Variants in RANBP2 observed in about 807,000 individuals in gnomAD.
RANBP2 encodes the protein RAN binding protein 2.
Under a neutral mutation model 303.6 loss-of-function variants are expected in RANBP2, and 57 were observed. That is an observed-to-expected ratio of 0.19 (90% CI 0.15 to 0.23). The LOEUF is 0.23. Ranked by LOEUF, RANBP2 falls within the 10% of genes least tolerant of loss-of-function variation. The pLI is 1.00. For missense variants in RANBP2, 3,138 were observed against 3,780.8 expected, an observed-to-expected ratio of 0.83 and a Z score of 4.46; for synonymous variants, 1,167 against 1,301.5, an observed-to-expected ratio of 0.90 and a Z score of 2.23.
At chr2:109,553,150 C>G in the RANBP2 span, 2 of 1,614,068 alleles carry the variant, frequency 1.2e-6, no homozygotes, top group South Asian at 1.1e-5. Flanking sequence ...ACATCTGTTT[C>G]ATTTCTTCTT....
At chr2:109,449,034 G>A in the RANBP2 span, 13 of 1,035,062 alleles carry the variant, frequency 1.3e-5, no homozygotes, top group Non-Finnish European at 1.8e-5. Context: ...AAGAGGCCAG[G>A]TCTGTCTGGA....
chr2:109,725,489 C>T, the RANBP2 span, among the ~76,000 whole-genome samples: 1 of 152,186 alleles, frequency 6.6e-6, no homozygotes, highest in East Asian at 1.9e-4. Context: ...GGGAGATGAA[C>T]TCCCTCCCTG....
At chr2:109,563,833 T>G in the RANBP2 span, among the ~76,000 whole-genome samples, 11 of 152,284 alleles carry the variant, frequency 7.2e-5, no homozygotes, top group African/African-American at 2.6e-4. Context: ...TTTAAATGAT[T>G]CCTGAGGACT....
At chr2:109,422,364 C>G in the RANBP2 span, among the ~76,000 whole-genome samples, 2 of 152,350 alleles carry the variant, frequency 1.3e-5, no homozygotes, top group African/African-American at 4.8e-5. Context: ...CAGGCCACAT[C>G]ATGTGCACTG....
the RANBP2 span, among the ~76,000 whole-genome samples, chr2:109,046,239 G>A: frequency 6.7e-6 from 1 of 150,278 alleles, no homozygotes; most frequent in Non-Finnish European, 1.5e-5. Flanking sequence ...GGGAGGCGAA[G>A]GTTGCAGTGA....
At chr2:109,763,389 G>T in the RANBP2 span, among the ~76,000 whole-genome samples, 1 of 150,152 alleles carries the variant, frequency 6.7e-6, no homozygotes, top group Non-Finnish European at 1.5e-5. Context: ...TCTAAAAATG[G>T]GGCAGCCATA....
At chr2:109,210,697 G>T in the RANBP2 span, among the ~76,000 whole-genome samples, 1 of 152,194 alleles carries the variant, frequency 6.6e-6, no homozygotes, top group Non-Finnish European at 1.5e-5. Flanking sequence ...CAGGAAGGAG[G>T]TTGGGTTTTC....
chr2:109,427,924 C>T, the RANBP2 span, among the ~76,000 whole-genome samples: 18 of 152,344 alleles, frequency 1.2e-4, no homozygotes, highest in Middle Eastern at 6.8e-3. Context: ...TGCTCGCGCA[C>T]GCTCCTCTGA....
At chr2:109,457,902 C>T in the RANBP2 span, among the ~76,000 whole-genome samples, 9 of 152,300 alleles carry the variant, frequency 5.9e-5, no homozygotes, top group East Asian at 3.9e-4. Flanking sequence ...GTCAGCATGG[C>T]GGGGCATCTC....
At chr2:108,812,229 T>C in the RANBP2 span, among the ~76,000 whole-genome samples, 1 of 152,168 alleles carries the variant, frequency 6.6e-6, no homozygotes, top group Non-Finnish European at 1.5e-5. Flanking sequence ...TACATATCAG[T>C]ATATACACAG....
At chr2:109,206,874 C>T in the RANBP2 span, among the ~76,000 whole-genome samples, 1 of 152,214 alleles carries the variant, frequency 6.6e-6, no homozygotes, top group South Asian at 2.1e-4. Context: ...ACTGAGCATT[C>T]TCAGTGCCCC....
At chr2:109,273,490 A>G in the RANBP2 span, among the ~76,000 whole-genome samples, 16 of 152,344 alleles carry the variant, frequency 1.1e-4, no homozygotes, top group Middle Eastern at 3.4e-3. Context: ...AGCCTGCAGC[A>G]TGTGCCAGTG....
At chr2:109,570,027 C>CA in the RANBP2 span, among the ~76,000 whole-genome samples, 13,698 of 147,144 alleles carry the variant, frequency 0.093, 606 homozygotes, top group African/African-American at 0.11. Context: ...ACTGCCCCTA[C>CA]AAAAAAAAAA....
intron 25 of RANBP2, among the ~76,000 whole-genome samples, chr2:108,779,063 T>C (rs1678066596): frequency 6.6e-6 from 1 of 152,178 alleles, no homozygotes; most frequent in South Asian, 2.1e-4. Flanking sequence ...CAAGTTGGTA[T>C]CTCATCCAGA....
At chr2:109,612,659 G>C in the RANBP2 span, among the ~76,000 whole-genome samples, 7 of 152,164 alleles carry the variant, frequency 4.6e-5, no homozygotes, top group Non-Finnish European at 1.0e-4. Flanking sequence ...CGTAATCTAT[G>C]AATCAAAGAA....
the RANBP2 span, among the ~76,000 whole-genome samples, chr2:109,262,316 C>T: frequency 5.9e-5 from 9 of 152,292 alleles, no homozygotes; most frequent in South Asian, 2.1e-4. Flanking sequence ...CGAGTAACCA[C>T]GGTGGAAAAG....
At chr2:109,440,920 G>T in the RANBP2 span, among the ~76,000 whole-genome samples, 65 of 152,104 alleles carry the variant, frequency 4.3e-4, no homozygotes, top group Non-Finnish European at 7.9e-4. Context: ...ACACCAGCTG[G>T]AAATAGTGCC....
chr2:108,791,947 T>C, the RANBP2 span: 5 of 815,802 alleles, frequency 6.1e-6, no homozygotes, highest in African/African-American at 8.8e-5. Context: ...AGATAGTTAC[T>C]GTGCTTATTA....
chr2:109,581,415 C>T, the RANBP2 span, among the ~76,000 whole-genome samples: 6 of 149,604 alleles, frequency 4.0e-5, no homozygotes, highest in Admixed American at 2.0e-4. Flanking sequence ...CCTGCCTAGG[C>T]GACAGAGTGA....
Sources: gnomAD v4.1 joint callset for allele counts (sites outside exome capture counted in the v4.1 genomes callset) on GRCh38, gnomAD v4.1.1 for gene constraint, MANE v1.5 for transcripts, NCBI Gene and HGNC (gene_info 2026-07-23, HGNC 2026-07-21) for gene names.